Variants in KIAA0930 observed in about 807,000 individuals in gnomAD.
The protein encoded by KIAA0930 is uncharacterized protein KIAA0930.
Under a neutral mutation model 43.9 loss-of-function variants are expected in KIAA0930, and 24 were observed. That is an observed-to-expected ratio of 0.55 (90% CI 0.40 to 0.77). The LOEUF (loss-of-function observed/expected upper bound fraction) is 0.77, where lower values mean the gene tolerates loss of function less well. KIAA0930 is among the 30% of genes least tolerant of loss of function. The pLI, the probability that KIAA0930 is intolerant of heterozygous loss-of-function variation, is 0.00. For missense variants in KIAA0930, 461 were observed against 574.2 expected (o/e 0.80, Z 2.02); for synonymous variants, 259 against 216.4 (o/e 1.20, Z -1.73).
intron 1 of KIAA0930, among the ~76,000 whole-genome samples, chr22:45,218,981 T>C (rs532600278): frequency 2.8e-4 from 43 of 152,258 alleles, no homozygotes; most frequent in Non-Finnish European, 5.3e-4. Context: ...TCCAGCCGAG[T>C]GCCAATTTAA....
At chr22:45,209,678 C>T (rs1255076033) in intron 2 of KIAA0930, among the ~76,000 whole-genome samples, 1 of 152,238 alleles carries the variant, frequency 6.6e-6, no homozygotes, top group Non-Finnish European at 1.5e-5. Flanking sequence ...ACTGGCCATA[C>T]CGTCTGTCTA....
rs895567677 is a variant in KIAA0930, at chr22:45,213,492, G to A, written c.65-1385C>T. On this transcript the variant is annotated intron_variant, in intron 1 of 9. Coordinates refer to ENST00000336156, the MANE Select transcript of KIAA0930 (RefSeq NM_001009880.2). ...CCTCCCAGGCTCACAGGACCCGGGG[G>A]AACGAAACACGCGTGCTGTCTGCAG... is the stretch of plus-strand genomic sequence containing the variant. The A allele has an allele frequency of 4.2e-6, 5 of 1,195,860 alleles. No individual in the cohort carries two copies. In the African/African-American group the frequency reaches 4.8e-5, roughly 11 times the overall value. 74.1% of individuals were successfully genotyped at this position (1,195,860 alleles called of 1,614,324 possible).
At position 45,197,225 on chromosome 22, in the gene KIAA0930, G is replaced by A. The variant is rs747432783; in HGVS notation, c.1175-9C>T. On this transcript the variant is annotated splice_polypyrimidine_tract_variant and intron_variant, in intron 9 of 9. Transcript: ENST00000336156. ...CCGAACTTCCAGGATGTCTAGGGCC[G>A]GCAGGAGGGAAGCAGGTGAAACAGT... 16 of 1,549,902 alleles carry A rather than the reference G, an allele frequency of 1.0e-5. No homozygotes were observed. In the Admixed American group the frequency reaches 1.4e-4, roughly 13 times the overall value.
intron 5 of KIAA0930, 109 bp downstream of exon 5, chr22:45,205,108 C>G (rs969393688): frequency 2.3e-6 from 2 of 856,510 alleles, no homozygotes; most frequent in African/African-American, 3.4e-5. Context: ...CTCTTCCCGG[C>G]TCCAAGCCAC....
intron 1 of KIAA0930, among the ~76,000 whole-genome samples, chr22:45,214,841 C>T (rs562697299): frequency 6.9e-4 from 105 of 151,930 alleles, no homozygotes; most frequent in Admixed American, 2.1e-3. Context: ...CCCAGGAGTT[C>T]GAGGCTGCAG....
At chr22:45,230,780 C>T (rs896498235) in intron 1 of KIAA0930, among the ~76,000 whole-genome samples, 1 of 151,680 alleles carries the variant, frequency 6.6e-6, no homozygotes, top group Admixed American at 6.6e-5. Flanking sequence ...CGGGGTTTCA[C>T]AATGTTGGCC....
intron 1 of KIAA0930, 41 bp from the exon 2 acceptor site, chr22:45,212,148 C>A (rs761665794): frequency 1.9e-6 from 3 of 1,613,616 alleles, no homozygotes; most frequent in Non-Finnish European, 2.5e-6. Context: ...AGGACGGCCA[C>A]CCTGGCCCTT....
intron 1 of KIAA0930, among the ~76,000 whole-genome samples, chr22:45,234,286 C>T (rs1177720401): frequency 6.6e-6 from 1 of 152,090 alleles, no homozygotes. Flanking sequence ...CATGGTCCTC[C>T]GATGGGGAAG....
At chr22:45,229,993 G>A (rs1458636537) in intron 1 of KIAA0930, among the ~76,000 whole-genome samples, 1 of 152,236 alleles carries the variant, frequency 6.6e-6, no homozygotes, top group Non-Finnish European at 1.5e-5. Context: ...CTACTCAGGA[G>A]GCTGAGGCAG....
In KIAA0930 at chr22:45,193,609, A is replaced by C. The variant is rs1125398; in HGVS notation, c.*3567T>G. 1 of 152,140 alleles carries C rather than the reference A, an allele frequency of 6.6e-6. No individual in the cohort carries two copies. Among genetic ancestry groups the C allele is most frequent in the South Asian group, 2.1e-4 (1 of 4,816 alleles). 9.4% of individuals were successfully genotyped at this position (152,140 alleles called of 1,614,324 possible). On this transcript the variant is annotated 3_prime_UTR_variant, in exon 10 of 10. Coordinates refer to ENST00000336156, the MANE Select transcript of KIAA0930 (RefSeq NM_001009880.2). ...TAGAGGGAAGACTAACTCACAGTCC[A>C]TAAGAATCCAAAAGTGAGCGGCGAC...
chr22:45,211,214 A>G, intron 2 of KIAA0930: 1 of 386,672 alleles, frequency 2.6e-6, no homozygotes, highest in Non-Finnish European at 4.6e-6. Flanking sequence ...TTCCAGACCT[A>G]GCTACACGGC....
At chr22:45,228,993 TCTCCAC>T in intron 1 of KIAA0930, among the ~76,000 whole-genome samples, 1 of 22,142 alleles carries the variant, frequency 4.5e-5, no homozygotes, top group Non-Finnish European at 6.7e-5. Flanking sequence ...AAAAGATCCC[TCTCCAC>T]CCCCACACCA....
chr22:45,224,743 A>C (rs1258770992), intron 1 of KIAA0930, among the ~76,000 whole-genome samples: 1 of 152,162 alleles, frequency 6.6e-6, no homozygotes, highest in Non-Finnish European at 1.5e-5. Context: ...TCAAGCAGGC[A>C]AAGGTGGACG....
chr22:45,210,007 T>C (rs1308827119), intron 2 of KIAA0930, among the ~76,000 whole-genome samples: 1 of 152,088 alleles, frequency 6.6e-6, no homozygotes, highest in Non-Finnish European at 1.5e-5. Context: ...CTGCCGTTCC[T>C]TTCTCCTCCC....
At chr22:45,201,143 T>C (rs2083585282) in intron 7 of KIAA0930, 1 of 434,258 alleles carries the variant, frequency 2.3e-6, no homozygotes, top group Non-Finnish European at 4.7e-6. Context: ...CCAGACGGTG[T>C]TCCCACAAGC....
chr22:45,229,355 CT>C (rs1240071486), intron 1 of KIAA0930, among the ~76,000 whole-genome samples: 7 of 149,178 alleles, frequency 4.7e-5, no homozygotes, highest in Non-Finnish European at 7.4e-5. Context: ...TCCCTCTCCA[CT>C]CCCCCATCAC....
At chr22:45,221,587 T>C (rs183353304) in intron 1 of KIAA0930, among the ~76,000 whole-genome samples, 21 of 151,490 alleles carry the variant, frequency 1.4e-4, no homozygotes, top group African/African-American at 4.7e-4. Flanking sequence ...ATGGCATATA[T>C]GACATAATAA....
chr22:45,206,313 G>A (rs540299896), intron 2 of KIAA0930, among the ~76,000 whole-genome samples: 33 of 152,256 alleles, frequency 2.2e-4, no homozygotes, highest in Admixed American at 4.6e-4. Context: ...CACCATGCCC[G>A]GCCAGAACTC....
At position 45,199,929 on chromosome 22, in the gene KIAA0930, T is replaced by C. The variant is rs2083572055; in HGVS notation, c.959A>G (p.Lys320Arg). 1 of 1,608,132 alleles carries C rather than the reference T, an allele frequency of 6.2e-7. No individual in the cohort carries two copies. The highest frequency in any genetic ancestry group is 1.1e-5 in the South Asian group (1 of 90,530). ...GCTGTCGTTGGCCGAGTGCGACTTC[T>C]TCATCTCAGCGATCCGGTTCCGGGG... is the stretch of plus-strand genomic sequence containing the variant. Reference protein sequence around the residue: ...KVPRNRIAEMKKSHSANDSEE... With the variant: ...KVPRNRIAEMRKSHSANDSEE... The change falls in exon 8 of 10, where the codon AAG (lysine) becomes AGG (arginine). Residue 320 changes from lysine (K) to arginine (R), a missense_variant. Coordinates refer to ENST00000336156, the MANE Select transcript of KIAA0930 (RefSeq NM_001009880.2).
Sources: gnomAD v4.1 joint callset for allele counts (sites outside exome capture counted in the v4.1 genomes callset) on GRCh38, gnomAD v4.1.1 for gene constraint, MANE v1.5 for transcripts, NCBI Gene and HGNC (gene_info 2026-07-23, HGNC 2026-07-21) for gene names.